Variants in CR2 observed in about 807,000 individuals in gnomAD.
CR2 encodes the protein complement receptor type 2.
In CR2, 96 loss-of-function variants were observed where a neutral mutation model predicts 123.0. The observed-to-expected ratio is 0.78, with a 90% CI of 0.66 to 0.93. The LOEUF (loss-of-function observed/expected upper bound fraction) is 0.93, where lower values mean the gene tolerates loss of function less well. Among genes scored for constraint, CR2 ranks in the 40% least tolerant of loss-of-function variants. The pLI is 0.00. For missense variants in CR2, 1,258 were observed against 1,361.0 expected (o/e 0.92, Z 1.19); for synonymous variants, 484 against 469.5 (o/e 1.03, Z -0.40).
In CR2 at chr1:207,470,013, G is replaced by A. The variant is rs1274975949; in HGVS notation, c.1136G>A (p.Cys379Tyr). Residue 379 changes from cysteine (C) to tyrosine (Y), a missense_variant, in exon 6 of 20, where the codon TGC becomes TAC. By Grantham distance (194) the Cys-to-Tyr change is radical. Transcript: ENST00000367057. Reference sequence around the variant, plus strand: ...TATAACGACACTGTGATATTTGCTTGCATGTTTGGCTTCACCTTGAAGGGC... The same window carrying A: ...TATAACGACACTGTGATATTTGCTTACATGTTTGGCTTCACCTTGAAGGGC... ...YTYNDTVIFA[C>Y]MFGFTLKGSK... 1 of 1,613,980 alleles carries A rather than the reference G, an allele frequency of 6.2e-7. No individual in the cohort carries two copies. Among genetic ancestry groups the A allele is most frequent in the East Asian group, 2.2e-5 (1 of 44,880 alleles).
intron 1 of CR2, among the ~76,000 whole-genome samples, chr1:207,465,396 G>T (rs1164449775): frequency 9.1e-6 from 1 of 110,226 alleles, no homozygotes; most frequent in East Asian, 3.7e-4. Context: ...AATGATTAGA[G>T]ATTTTTTCAT....
intron 18 of CR2, among the ~76,000 whole-genome samples, chr1:207,481,201 G>T (rs577703265): frequency 6.6e-6 from 1 of 151,360 alleles, no homozygotes; most frequent in Non-Finnish European, 1.5e-5. Context: ...TTATTTTATG[G>T]TATGGTAGTT....
At chr1:207,467,190 G>T (rs1452334453) in intron 2 of CR2, among the ~76,000 whole-genome samples, 2 of 152,182 alleles carry the variant, frequency 1.3e-5, no homozygotes, top group South Asian at 4.1e-4. Flanking sequence ...GATGGGGTCA[G>T]AGTTTGTTGG....
At chr1:207,485,641 C>T (rs571186528) in intron 19 of CR2, 69 bp downstream of exon 19, 64 of 894,566 alleles carry the variant, frequency 7.2e-5, no homozygotes, top group Middle Eastern at 2.3e-4. Context: ...TATCAATAAG[C>T]GTAGCATTCA....
Position 207,473,088 on chromosome 1 carries a change from G to A in CR2, c.1887G>A (p.Lys629=). 6.2e-7 allele frequency: 1 copy of A among 1,613,982 alleles called. No individual in the cohort carries two copies. Among genetic ancestry groups the A allele is most frequent in the Non-Finnish European group, 8.5e-7 (1 of 1,179,910 alleles). Residue 629 remains lysine, a synonymous_variant, in exon 10 of 20, where the codon AAG becomes AAA. Coordinates refer to ENST00000367057, the MANE Select transcript of CR2 (RefSeq NM_001006658.3). ...PYFYNDTVTF[K]CYSGFTLKGS... ...TCTACAATGACACTGTGACATTCAAGTGTTATAGTGGATTTACTTTGAAGG... is the reference window on the plus strand; with the variant it reads ...TCTACAATGACACTGTGACATTCAAATGTTATAGTGGATTTACTTTGAAGG...
intron 8 of CR2, 47 bp from the exon 9 acceptor site, chr1:207,471,376 T>C (rs766293897): frequency 6.9e-7 from 1 of 1,444,526 alleles, no homozygotes; most frequent in South Asian, 1.1e-5. Context: ...CTTGCCTAAC[T>C]TAATGGTCAC....
At position 207,485,905 on chromosome 1, in the gene CR2, G is replaced by A. The variant is rs1167713337; in HGVS notation, c.*18+333G>A. Among the ~76,000 whole-genome samples, 3 of 152,138 alleles carry A rather than the reference G, an allele frequency of 2.0e-5. No homozygotes were observed. In the East Asian group the frequency reaches 5.8e-4, roughly 29 times the overall value. On this transcript the variant is annotated intron_variant, in intron 19 of 19. Transcript: ENST00000367057. ...TGGTCGCAAGGGAAGCTCTTACTAA[G>A]AGAATGTCATTTGAGAAAAAACTCA... is the stretch of plus-strand genomic sequence containing the variant.
Position 207,472,804 on chromosome 1 carries a change from A to C in CR2, c.1603A>C (p.Asn535His), listed in dbSNP as rs1469570980. Reference sequence around the variant, plus strand: ...CTGCCCACCACCCCCTGTTATCTACAATGGGGCACACACCGGGAGTTCCTT... The same window carrying C: ...CTGCCCACCACCCCCTGTTATCTACCATGGGGCACACACCGGGAGTTCCTT... The part of the protein sequence containing the change: ...ITCPPPPVIY[N>H]GAHTGSSLED... The change falls in exon 10 of 20, where the codon AAT (asparagine) becomes CAT (histidine). Residue 535 changes from asparagine to histidine, a missense_variant. Physicochemically the swap from Asn to His is moderately conservative, Grantham distance 68. Coordinates refer to ENST00000367057, the MANE Select transcript of CR2 (RefSeq NM_001006658.3). 1 of 1,613,834 alleles carries C rather than the reference A, an allele frequency of 6.2e-7. No homozygotes were observed. Among genetic ancestry groups the C allele is most frequent in the African/African-American group, 1.3e-5 (1 of 74,894 alleles).
At chr1:207,488,364 G>A (rs530766638) in intron 19 of CR2, among the ~76,000 whole-genome samples, 129 of 152,284 alleles carry the variant, frequency 8.5e-4, no homozygotes, top group African/African-American at 2.8e-3. Context: ...GGTGGCTCAC[G>A]TCTGTAAACC....
intron 1 of CR2, among the ~76,000 whole-genome samples, chr1:207,458,770 A>G (rs1194958711): frequency 6.6e-6 from 1 of 152,070 alleles, no homozygotes; most frequent in Non-Finnish European, 1.5e-5. Context: ...ACTCTATTTC[A>G]TATTTCATGT....
chr1:207,465,355 C>CT (rs1658067212), intron 1 of CR2, among the ~76,000 whole-genome samples: 1 of 151,974 alleles, frequency 6.6e-6, no homozygotes, highest in Non-Finnish European at 1.5e-5. Flanking sequence ...TTAAAAGATG[C>CT]TTTTTTAAAA....
At chr1:207,486,301 A>G (rs1045120686) in intron 19 of CR2, among the ~76,000 whole-genome samples, 1 of 150,494 alleles carries the variant, frequency 6.6e-6, no homozygotes. Context: ...CAGAAAGAAC[A>G]GTAGGTGCAA....
At chr1:207,483,821 C>G (rs1267984255) in intron 18 of CR2, among the ~76,000 whole-genome samples, 1 of 151,996 alleles carries the variant, frequency 6.6e-6, no homozygotes. Context: ...GGAGAAGGGT[C>G]TGGACTCGGG....
chr1:207,472,966 C>A lies in CR2; in HGVS notation c.1765C>A (p.Pro589Thr). ...TCAAGAAAGAGGCACCTGGAGTGGC[C>A]CTGCTCCCCTGTGTAAACTTTCCCT... ...NDQERGTWSG[P>T]APLCKLSLLA... The change falls in exon 10 of 20, where the codon CCT becomes ACT. Residue 589 changes from proline (P) to threonine (T), a missense_variant. Transcript: ENST00000367057. The A allele has an allele frequency of 1.2e-6, 2 of 1,613,962 alleles. No homozygotes were observed. Among genetic ancestry groups the A allele is most frequent in the Non-Finnish European group, 1.7e-6 (2 of 1,179,912 alleles).
intron 9 of CR2, 92 bp downstream of exon 9, chr1:207,471,591 G>C: frequency 2.3e-6 from 2 of 887,516 alleles, no homozygotes; most frequent in Non-Finnish European, 3.8e-6. Context: ...ATGAGAATTA[G>C]AGTATTAGAT....
In CR2 at chr1:207,454,486, G is replaced by A; in HGVS notation, c.58+10G>A. The A allele has an allele frequency of 6.4e-7, 1 of 1,552,018 alleles. No individual in the cohort carries two copies. The highest frequency in any genetic ancestry group is 2.3e-5 in the East Asian group (1 of 42,634). On this transcript the variant is annotated intron_variant, in intron 1 of 19. Coordinates refer to ENST00000367057, the MANE Select transcript of CR2 (RefSeq NM_001006658.3). This position sits in a 1 kb window ranked among gnomAD's most constrained non-coding sequence, Gnocchi z 4.3. Reference sequence around the variant, plus strand: ...GCACCGGGGGTCCTCGGTGAGCTGGGAGGGGGAGCACGGAGGTGGGGACGC... The same window carrying A: ...GCACCGGGGGTCCTCGGTGAGCTGGAAGGGGGAGCACGGAGGTGGGGACGC...
chr1:207,480,612 G>A (rs1408563173), intron 18 of CR2, among the ~76,000 whole-genome samples: 1 of 151,998 alleles, frequency 6.6e-6, no homozygotes, highest in Non-Finnish European at 1.5e-5. Context: ...TATTTCCTTA[G>A]AATAGATTTC....
rs766392071 is a variant in CR2 at position 207,468,804 on chromosome 1, A to G, written c.639A>G (p.Ala213=). The G allele has an allele frequency of 7.4e-6, 12 of 1,613,896 alleles. No homozygotes were observed. In the African/African-American group the frequency reaches 9.3e-5, roughly 13 times the overall value. Residue 213 remains alanine, a synonymous_variant, in exon 4 of 20, where the codon GCA becomes GCG. Transcript: ENST00000367057. The part of the protein sequence containing the change: ...WSAVPPTCEE[A]RCKSLGRFPN... ...CATCTTTGGTTTGTTTTTTAGAGGC[A>G]CGCTGTAAATCTCTAGGACGATTTC...
At position 207,484,061 on chromosome 1, in the gene CR2, A is replaced by G. The variant is rs139110630; in HGVS notation, c.3189-1403A>G. Among the ~76,000 whole-genome samples, 359 of 152,360 alleles carry G rather than the reference A, an allele frequency of 2.4e-3. 1 individual carries two copies. The highest frequency in any genetic ancestry group is 8.3e-3 in the African/African-American group (347 of 41,580). On this transcript the variant is annotated intron_variant, in intron 18 of 19. Transcript: ENST00000367057. Reference sequence around the variant, plus strand: ...CAGGGCCTTCCTCATAGGAAGTCACAAGATAATTTCAGCCAAGAGGCATTA... The same window carrying G: ...CAGGGCCTTCCTCATAGGAAGTCACGAGATAATTTCAGCCAAGAGGCATTA...
Sources: gnomAD v4.1 joint callset for allele counts (sites outside exome capture counted in the v4.1 genomes callset) on GRCh38, gnomAD v4.1.1 for gene constraint, Gnocchi (gnomAD v3.1) non-coding constraint, MANE v1.5 for transcripts, NCBI Gene and HGNC (gene_info 2026-07-23, HGNC 2026-07-21) for gene names.